The following PLAAT1 variants were observed in gnomAD, a reference collection of about 807,000 sequenced individuals.
PLAAT1 encodes the protein phospholipase A and acyltransferase 1, also known as H-REV107 protein-related protein.
In PLAAT1, 13 loss-of-function variants were observed where a neutral mutation model predicts 16.4. That is an observed-to-expected ratio of 0.79 (90% confidence interval 0.52 to 1.26). The LOEUF (loss-of-function observed/expected upper bound fraction) is 1.26. Among genes scored for constraint, PLAAT1 ranks in the 50% most tolerant of loss-of-function variants. The pLI is 0.00. For missense variants in PLAAT1, 218 were observed against 207.8 expected (o/e 1.05, Z -0.30); for synonymous variants, 73 against 78.4 (o/e 0.93, Z 0.36).
chr3:193,271,590 G>A (rs1716982278), downstream of PLAAT1, among the ~76,000 whole-genome samples: 1 of 152,176 alleles, frequency 6.6e-6, no homozygotes, highest in Non-Finnish European at 1.5e-5. Context: ...TGCAGCAGGT[G>A]GAGAAAGGGG....
At position 193,265,069 on chromosome 3, in the gene PLAAT1, A is replaced by G. The variant is rs557790633; in HGVS notation, c.405+1834A>G. Among the ~76,000 whole-genome samples, 5 of 152,322 alleles carry G rather than the reference A, an allele frequency of 3.3e-5. No individual in the cohort carries two copies. The East Asian group carries it at 9.7e-4, about 29-fold the overall frequency. Reference sequence around the variant, plus strand: ...GCCCTTCTGGTAGGCATGTAAAATGATATAACTGCTTTGGAAACCATTCTG... The same window carrying G: ...GCCCTTCTGGTAGGCATGTAAAATGGTATAACTGCTTTGGAAACCATTCTG... On this transcript the variant is annotated intron_variant, in intron 3 of 3. Coordinates refer to ENST00000264735, the MANE Select transcript of PLAAT1 (RefSeq NM_020386.5).
At position 193,263,217 on chromosome 3, in the gene PLAAT1, A is replaced by C; in HGVS notation, c.387A>C (p.Gly129=). ...CEHFVTLLRY[G]EGVSEQANRA... ...ATTTTGTGACATTGCTTCGCTATGGAGAAGGAGTTTCAGAGCAGGTAAGTT... is the reference window on the plus strand; with the variant it reads ...ATTTTGTGACATTGCTTCGCTATGGCGAAGGAGTTTCAGAGCAGGTAAGTT... The change falls in exon 3 of 4, where the codon GGA becomes GGC. Residue 129 remains glycine (G), a synonymous_variant. Coordinates refer to ENST00000264735, the MANE Select transcript of PLAAT1 (RefSeq NM_020386.5). 6.2e-7 allele frequency: 1 copy of C among 1,613,940 alleles called. No homozygotes were observed. Among genetic ancestry groups the C allele is most frequent in the Non-Finnish European group, 8.5e-7 (1 of 1,179,830 alleles).
chr3:193,259,546 A>T (rs550626014), intron 2 of PLAAT1, among the ~76,000 whole-genome samples: 591 of 152,338 alleles, frequency 3.9e-3, no homozygotes, highest in Non-Finnish European at 5.7e-3. Context: ...ATACAAAATC[A>T]GTGTACAAAA....
chr3:193,241,090 C>A, upstream of PLAAT1: 1 of 703,490 alleles, frequency 1.4e-6, no homozygotes, highest in Non-Finnish European at 1.9e-6. Context: ...GAGGCGGCTG[C>A]GTCGGGGCGC....
chr3:193,255,332 T>C (rs1716336393), intron 1 of PLAAT1, among the ~76,000 whole-genome samples: 1 of 152,204 alleles, frequency 6.6e-6, no homozygotes, highest in African/African-American at 2.4e-5. Flanking sequence ...GTGTAAGTTA[T>C]ATTATCCAGG....
chr3:193,281,284 C>CT (rs1717483073), downstream of PLAAT1: 1 of 806,772 alleles, frequency 1.2e-6, no homozygotes, highest in South Asian at 5.6e-5. Context: ...GCAACTGGGG[C>CT]TGAGTGGGGT....
At chr3:193,269,295 C>T (rs1716890877) in intron 3 of PLAAT1, among the ~76,000 whole-genome samples, 1 of 152,132 alleles carries the variant, frequency 6.6e-6, no homozygotes, top group Admixed American at 6.5e-5. Context: ...AGGGTTAGTG[C>T]CAAGTTGTTT....
chr3:193,245,638 C>G (rs10804950), intron 1 of PLAAT1, among the ~76,000 whole-genome samples: 135,837 of 152,264 alleles, frequency 0.89, 60,788 homozygotes, highest in East Asian at 0.98. Flanking sequence ...ATGGCTAAAC[C>G]AATTTGCATT....
chr3:193,265,047 C>A, intron 3 of PLAAT1, among the ~76,000 whole-genome samples: 1 of 152,240 alleles, frequency 6.6e-6, no homozygotes, highest in South Asian at 2.1e-4. Flanking sequence ...CTCTCTTGCC[C>A]TTCTGGTAGG....
At chr3:193,279,215 C>T (rs980875873), downstream of PLAAT1, 6 of 589,764 alleles carry the variant, frequency 1.0e-5, no homozygotes, top group Admixed American at 6.2e-5. Context: ...AGGTGAAATC[C>T]AGATATCTTA....
chr3:193,266,536 A>G (rs1237938984), intron 3 of PLAAT1, among the ~76,000 whole-genome samples: 1 of 152,114 alleles, frequency 6.6e-6, no homozygotes, highest in African/African-American at 2.4e-5. Flanking sequence ...CAGCCTTAAG[A>G]GTCTACCTAA....
At chr3:193,240,950 A>G (rs1403865888), upstream of PLAAT1, among the ~76,000 whole-genome samples, 1 of 152,138 alleles carries the variant, frequency 6.6e-6, no homozygotes, top group Non-Finnish European at 1.5e-5. Context: ...GGCGCCTAGC[A>G]CAGCGCCTGG....
chr3:193,248,425 G>T (rs1014542733), intron 1 of PLAAT1, among the ~76,000 whole-genome samples: 1 of 151,984 alleles, frequency 6.6e-6, no homozygotes, highest in Non-Finnish European at 1.5e-5. Flanking sequence ...GTAATTATTG[G>T]TAGGTAAGAA....
intron 2 of PLAAT1, among the ~76,000 whole-genome samples, chr3:193,261,094 C>T (rs1303197903): frequency 1.3e-5 from 2 of 152,022 alleles, no homozygotes; most frequent in Admixed American, 6.6e-5. Context: ...GCAGACCAGG[C>T]GTGCTGGGTC....
At position 193,263,113 on chromosome 3, in the gene PLAAT1, G is replaced by A; in HGVS notation, c.283G>A (p.Val95Met). 1 of 1,614,210 alleles carries A rather than the reference G, an allele frequency of 6.2e-7. No individual in the cohort carries two copies. The highest frequency in any genetic ancestry group is 1.1e-5 in the South Asian group (1 of 91,082). Residue 95 changes from valine (V) to methionine (M), a missense_variant, in exon 3 of 4, where the codon GTG becomes ATG. By Grantham distance (21) the Val-to-Met change is conservative. Coordinates refer to ENST00000264735, the MANE Select transcript of PLAAT1 (RefSeq NM_020386.5). ...CGATGAAACGTACCCCCCTCTCCCT[G>A]TGGAAGAAATCATAAAGCGGTCAGA... ...KYDETYPPLP[V>M]EEIIKRSEFV... is the part of the protein sequence containing the mutation.
Position 193,270,813 on chromosome 3 carries a change from G to C in PLAAT1, c.*108G>C. ...CATTACTGTTCCAGATTCCTATGAT[G>C]GATGGCAGACTCTTTAATAAATTGC... On this transcript the variant is annotated 3_prime_UTR_variant, in exon 4 of 4. Transcript: ENST00000264735. 7.0e-7 allele frequency: 1 copy of C among 1,424,742 alleles called. No individual in the cohort carries two copies. Among genetic ancestry groups the C allele is most frequent in the Non-Finnish European group, 9.2e-7 (1 of 1,085,922 alleles). The allele number at this position is 1,424,742 out of a possible 1,614,324, so 88.3% of individuals were successfully genotyped here.
chr3:193,248,136 C>G, intron 1 of PLAAT1, among the ~76,000 whole-genome samples: 1 of 152,030 alleles, frequency 6.6e-6, no homozygotes, highest in East Asian at 1.9e-4. Flanking sequence ...TATGAATTGA[C>G]CCCTTCATCA....
At chr3:193,268,769 G>C (rs1716866681) in intron 3 of PLAAT1, among the ~76,000 whole-genome samples, 1 of 152,138 alleles carries the variant, frequency 6.6e-6, no homozygotes, top group South Asian at 2.1e-4. Flanking sequence ...TTTGGTTTGG[G>C]ATCAGGTTGC....
chr3:193,253,967 A>G (rs186315037), intron 1 of PLAAT1, among the ~76,000 whole-genome samples: 3 of 152,280 alleles, frequency 2.0e-5, no homozygotes, highest in Non-Finnish European at 2.9e-5. Flanking sequence ...TGCATCTCGG[A>G]ATCATAGCAG....
Sources: gnomAD v4.1 joint callset for allele counts (sites outside exome capture counted in the v4.1 genomes callset) on GRCh38, gnomAD v4.1.1 for gene constraint, MANE v1.5 for transcripts, NCBI Gene and HGNC (gene_info 2026-07-23, HGNC 2026-07-21) for gene names.